The following PDS5B variants were observed in gnomAD, a reference collection of about 807,000 sequenced individuals.
The protein encoded by PDS5B is sister chromatid cohesion protein PDS5 homolog B.
Under a neutral mutation model 184.1 loss-of-function variants are expected in PDS5B, and 51 were observed. That is an observed-to-expected ratio of 0.28 (90% CI 0.22 to 0.35). The LOEUF (loss-of-function observed/expected upper bound fraction) is 0.35. PDS5B is among the 10% of genes least tolerant of loss of function. The pLI, the probability that PDS5B is intolerant of heterozygous loss-of-function variation, is 1.00. For missense variants in PDS5B, 1,180 were observed against 1,723.3 expected, an observed-to-expected ratio of 0.68 and a Z score of 5.58; for synonymous variants, 566 against 569.2, an observed-to-expected ratio of 0.99 and a Z score of 0.08.
chr13:32,770,122 C>G lies in PDS5B; in HGVS notation c.3626C>G (p.Ser1209Cys). 6.3e-7 allele frequency: 1 copy of G among 1,580,384 alleles called. No individual in the cohort carries two copies. ...ATTGTGATTTTTTTTTTCCCCTAGT[C>G]TGAATTGGAGAAGCCTAGAGGCAGG... ...DKRDDSDLVRSELEKPRGRKK... is the reference protein window; with the variant it reads ...DKRDDSDLVRCELEKPRGRKK... The change falls in exon 32 of 35, where the codon TCT becomes TGT. Residue 1209 changes from serine to cysteine, a missense_variant and splice_region_variant. Ser to Cys is a moderately radical substitution (Grantham distance 112). This residue lies in a region of PDS5B where 465 missense variants were observed against 497.8 expected (regional missense o/e 0.93). Coordinates refer to ENST00000315596, the MANE Select transcript of PDS5B (RefSeq NM_015032.4).
intron 13 of PDS5B, chr13:32,691,316 T>TA (rs1472740035): frequency 6.6e-6 from 1 of 152,128 alleles, no homozygotes; most frequent in African/African-American, 2.4e-5. Context: ...TCAGTCATAA[T>TA]ATTATACATA....
Position 32,770,529 on chromosome 13 carries a change from C to T in PDS5B, c.4033C>T (p.Gln1345Ter), listed in dbSNP as rs751219011. The T allele has an allele frequency of 6.2e-7, 1 of 1,609,326 alleles. No individual in the cohort carries two copies. The highest frequency in any genetic ancestry group is 8.5e-7 in the Non-Finnish European group (1 of 1,178,922). ...TACGGAACAGAAGTCCAAAAGCAAA[C>T]AGCACCGAGTGTCAAGGAGAGCACA... ...GNTEQKSKSK[Q>*]HRVSRRAQQR... is the part of the protein sequence containing the mutation. Residue 1345 changes from glutamine (Q) to a stop codon, truncating the protein, a stop_gained, in exon 32 of 35, where the codon CAG becomes TAG. Coordinates refer to ENST00000315596, the MANE Select transcript of PDS5B (RefSeq NM_015032.4). LOFTEE classifies it high-confidence loss of function.
rs773491502 is a variant in PDS5B at position 32,775,528 on chromosome 13, C to T, written c.*476C>T. The T allele has an allele frequency of 1.3e-4, 48 of 367,920 alleles. No homozygotes were observed. Among genetic ancestry groups the T allele is most frequent in the Middle Eastern group, 7.8e-4 (2 of 2,552 alleles). The allele number at this position is 367,920 out of a possible 1,614,324, so 22.8% of individuals were successfully genotyped here. On this transcript the variant is annotated 3_prime_UTR_variant, in exon 35 of 35. Transcript: ENST00000315596. ...TGTTTTCAACAATTGGTGTCATTTT[C>T]TTGATGTCACTATTTGTTGGAGAGT...
chr13:32,695,236 G>A (rs1252145997), intron 14 of PDS5B, among the ~76,000 whole-genome samples: 2 of 151,942 alleles, frequency 1.3e-5, no homozygotes, highest in African/African-American at 4.8e-5. Context: ...CATTTGAGTA[G>A]TATTTTTGTT....
In PDS5B at chr13:32,719,998, A is replaced by G. The variant is rs547481090; in HGVS notation, c.2123+9892A>G. Reference sequence around the variant, plus strand: ...TTTTTAGTAGAGACTGGATTTTGCCATGTGGGCGGGGCTGGTCTCTGTCTC... The same window carrying G: ...TTTTTAGTAGAGACTGGATTTTGCCGTGTGGGCGGGGCTGGTCTCTGTCTC... On this transcript the variant is annotated intron_variant, in intron 19 of 34. Coordinates refer to ENST00000315596, the MANE Select transcript of PDS5B (RefSeq NM_015032.4). Among the ~76,000 whole-genome samples the G allele has an allele frequency of 8.8e-4, 134 of 152,124 alleles. 1 individual carries two copies. The highest frequency in any genetic ancestry group is 1.8e-3 in the Admixed American group (27 of 15,282).
chr13:32,699,755 T>C lies in PDS5B; in HGVS notation c.1626T>C (p.Ala542=), dbSNP rs773276876. 4.6e-5 allele frequency: 72 copies of C among 1,553,146 alleles called. 1 individual carries two copies. The highest frequency in any genetic ancestry group is 5.9e-5 in the Admixed American group (3 of 50,514). The change falls in exon 16 of 35, where the codon GCT becomes GCC. Residue 542 remains alanine, a synonymous_variant. Transcript: ENST00000315596. ...GAAATTTACCTGATCCTGGTAAGGCTCAGGATTTCATGAAGAAATTCACAC... is the reference window on the plus strand; with the variant it reads ...GAAATTTACCTGATCCTGGTAAGGCCCAGGATTTCATGAAGAAATTCACAC... The part of the protein sequence containing the change: ...ITRNLPDPGK[A]QDFMKKFTQV...
intron 7 of PDS5B, among the ~76,000 whole-genome samples, chr13:32,669,021 T>G (rs1950867738): frequency 6.6e-6 from 1 of 152,198 alleles, no homozygotes; most frequent in African/African-American, 2.4e-5. Flanking sequence ...TGCTCCAAGA[T>G]TTTCAGGGAA....
At chr13:32,716,773 G>A (rs1383485727) in intron 19 of PDS5B, among the ~76,000 whole-genome samples, 2 of 122,192 alleles carry the variant, frequency 1.6e-5, no homozygotes, top group Non-Finnish European at 1.8e-5. Context: ...CCGGCCAGCC[G>A]CCCCGTCCGG....
At chr13:32,653,671 T>C (rs2140673596) in intron 3 of PDS5B, among the ~76,000 whole-genome samples, 1 of 152,348 alleles carries the variant, frequency 6.6e-6, no homozygotes, top group Non-Finnish European at 1.5e-5. Flanking sequence ...GATTTGAGAA[T>C]GGTCGGAGAC....
chr13:32,733,927 CCTCT>C (rs745816243), intron 20 of PDS5B, among the ~76,000 whole-genome samples: 21 of 149,480 alleles, frequency 1.4e-4, no homozygotes, highest in Non-Finnish European at 2.7e-4. Context: ...ATTTTGTTTC[CCTCT>C]CTCTCCTTAT....
At chr13:32,764,305 C>T (rs1466206474) in intron 30 of PDS5B, among the ~76,000 whole-genome samples, 184 bp from the exon 31 acceptor site, 3 of 152,022 alleles carry the variant, frequency 2.0e-5, no homozygotes, top group Admixed American at 6.6e-5. Context: ...AAAATTTTCT[C>T]ACTATATTAA....
intron 3 of PDS5B, among the ~76,000 whole-genome samples, chr13:32,656,202 G>C (rs1332210900): frequency 3.3e-5 from 5 of 149,814 alleles, no homozygotes; most frequent in Non-Finnish European, 7.4e-5. Flanking sequence ...TTTTGTACCA[G>C]TACCATGCTG....
chr13:32,697,344 A>G (rs371522776), intron 15 of PDS5B, among the ~76,000 whole-genome samples: 48 of 152,302 alleles, frequency 3.2e-4, no homozygotes, highest in African/African-American at 1.2e-3. Context: ...AAAGTAGGGA[A>G]AAGTTGCTGT....
chr13:32,717,964 A>G (rs770004707), intron 19 of PDS5B, among the ~76,000 whole-genome samples: 12 of 149,472 alleles, frequency 8.0e-5, no homozygotes, highest in Non-Finnish European at 1.3e-4. Context: ...TATAAGCAAG[A>G]TAGTAGCAAA....
intron 1 of PDS5B, among the ~76,000 whole-genome samples, chr13:32,599,286 T>C (rs1373393792): frequency 6.6e-6 from 1 of 151,690 alleles, no homozygotes; most frequent in Non-Finnish European, 1.5e-5. Flanking sequence ...TTTTGCGAGA[T>C]TGCATCTTGT....
At chr13:32,770,076 C>T (rs1448209847) in intron 31 of PDS5B, 45 bp from the exon 32 acceptor site, 7 of 1,522,828 alleles carry the variant, frequency 4.6e-6, no homozygotes, top group Non-Finnish European at 4.4e-6. Context: ...AATATGTATA[C>T]TCACAATTTC....
intron 6 of PDS5B, among the ~76,000 whole-genome samples, chr13:32,665,769 A>G (rs576050906): frequency 6.6e-6 from 1 of 152,232 alleles, no homozygotes; most frequent in South Asian, 2.1e-4. Context: ...TGTGTCTATC[A>G]ATGGATGAGT....
At chr13:32,672,460 G>T (rs537945670) in intron 7 of PDS5B, among the ~76,000 whole-genome samples, 3 of 152,152 alleles carry the variant, frequency 2.0e-5, no homozygotes, top group Non-Finnish European at 1.5e-5. Context: ...ACATGTATAT[G>T]TATGAGAGGG....
intron 10 of PDS5B, among the ~76,000 whole-genome samples, 169 bp downstream of exon 10, chr13:32,679,098 A>T (rs7999209): frequency 0.4 from 59,268 of 148,910 alleles, 12,100 homozygotes; most frequent in Non-Finnish European, 0.46. Flanking sequence ...TTTTTTTTTT[A>T]AAATAGAGAC....
Sources: gnomAD v4.1 joint callset for allele counts (sites outside exome capture counted in the v4.1 genomes callset) on GRCh38, gnomAD v4.1.1 for gene constraint, gnomAD v4.1.1 regional missense constraint, MANE v1.5 for transcripts, NCBI Gene and HGNC (gene_info 2026-07-23, HGNC 2026-07-21) for gene names.